Variants in NAMPT observed in about 807,000 individuals in gnomAD.
NAMPT encodes the protein NAmPRTase.
A neutral mutation model predicts 58.7 loss-of-function variants in NAMPT; 7 were observed. The ratio of observed to expected loss-of-function variants is 0.12; its 90% CI spans 0.07 to 0.22. The LOEUF (loss-of-function observed/expected upper bound fraction) is 0.22, where lower values mean the gene tolerates loss of function less well. Among genes scored for constraint, NAMPT ranks in the 10% least tolerant of loss-of-function variants. The probability of loss-of-function intolerance (pLI) is 1.00; values close to 1 mark genes in which losing one functional copy is unlikely to be tolerated. For synonymous variants in NAMPT, 145 were observed against 198.1 expected, an observed-to-expected ratio of 0.73 and a Z score of 2.25; for missense variants, 271 against 567.9, an observed-to-expected ratio of 0.48 and a Z score of 5.31.
At chr7:106,263,730 A>T in intron 6 of NAMPT, 113 bp from the exon 7 acceptor site, 4 of 810,866 alleles carry the variant, frequency 4.9e-6, no homozygotes, top group South Asian at 3.3e-5. Flanking sequence ...ATCACAGAGA[A>T]GGTGAGTGAC....
At position 106,283,259 on chromosome 7, in the gene NAMPT, C is replaced by A. The variant is rs554299893; in HGVS notation, c.57+1569G>T. The stretch of plus-strand genomic sequence containing the variant: ...TAATAGTGCAATTAAGTATGGCTCA[C>A]TAGATTAGAAACCTTTAAGATAATT... On this transcript the variant is annotated intron_variant, in intron 1 of 10. Coordinates refer to ENST00000222553, the MANE Select transcript of NAMPT (RefSeq NM_005746.3). 2.6e-4 allele frequency among the ~76,000 whole-genome samples: 40 copies of A among 152,192 alleles called. No homozygotes were observed. In the South Asian group the frequency reaches 7.7e-3, roughly 29 times the overall value.
chr7:106,281,449 A>C (rs1792762063), intron 1 of NAMPT, among the ~76,000 whole-genome samples: 1 of 152,202 alleles, frequency 6.6e-6, no homozygotes, highest in Non-Finnish European at 1.5e-5. Flanking sequence ...ATCACAAGTC[A>C]ACATTTAAAA....
intron 8 of NAMPT, among the ~76,000 whole-genome samples, chr7:106,259,541 C>T (rs1314088226): frequency 2.0e-5 from 3 of 152,144 alleles, no homozygotes; most frequent in Non-Finnish European, 4.4e-5. Flanking sequence ...TCTCCTGCCT[C>T]AGCCTCCTGA....
At chr7:106,267,099 A>T (rs976523348) in intron 6 of NAMPT, among the ~76,000 whole-genome samples, 3 of 152,252 alleles carry the variant, frequency 2.0e-5, no homozygotes, top group Admixed American at 1.3e-4. Context: ...ATAAGTGCCC[A>T]ATGTTGGCTA....
At chr7:106,260,402 C>T (rs562537113) in intron 8 of NAMPT, among the ~76,000 whole-genome samples, 3 of 152,344 alleles carry the variant, frequency 2.0e-5, no homozygotes, top group African/African-American at 4.8e-5. Context: ...AGAATTGAAA[C>T]GAGGGCCTTG....
intron 8 of NAMPT, among the ~76,000 whole-genome samples, chr7:106,261,004 T>C (rs1792292231): frequency 6.6e-6 from 1 of 152,186 alleles, no homozygotes; most frequent in South Asian, 2.1e-4. Context: ...ATGAAGTGAA[T>C]ACATGTTGGA....
At chr7:106,253,178 C>A (rs756290783) in intron 9 of NAMPT, 27 bp from the exon 10 acceptor site, 5 of 1,607,316 alleles carry the variant, frequency 3.1e-6, no homozygotes, top group Admixed American at 1.7e-5. Context: ...GAAAGTTAGA[C>A]AAGTAGAAGA....
At chr7:106,285,257 A>T (rs1210510954), upstream of NAMPT, 1 of 871,072 alleles carries the variant, frequency 1.1e-6, no homozygotes, top group Non-Finnish European at 1.4e-6. Context: ...TTCCTCCCAG[A>T]CGCCAGCTCT....
Position 106,284,612 on chromosome 7 carries a change from C to G in NAMPT, c.57+216G>C, listed in dbSNP as rs548013975. On this transcript the variant is annotated intron_variant, in intron 1 of 10. Transcript: ENST00000222553. Reference sequence around the variant, plus strand: ...GCCCCCAGGCCCCGCCTCCACCGCCCAGCCCTCCATCCTCCTCAAGCCACC... The same window carrying G: ...GCCCCCAGGCCCCGCCTCCACCGCCGAGCCCTCCATCCTCCTCAAGCCACC... The G allele has an allele frequency of 1.6e-3, 597 of 362,330 alleles. 2 individuals carry two copies. The highest frequency in any genetic ancestry group is 2.2e-3 in the Non-Finnish European group (537 of 245,358). The allele number at this position is 362,330 out of a possible 1,614,324, so 22.4% of individuals were successfully genotyped here.
chr7:106,261,725 C>A lies in NAMPT; in HGVS notation c.970-18G>T, dbSNP rs1792305867. 2 of 1,597,904 alleles carry A rather than the reference C, an allele frequency of 1.3e-6. No individual in the cohort carries two copies. Among genetic ancestry groups the A allele is most frequent in the African/African-American group, 2.7e-5 (2 of 74,450 alleles). On this transcript the variant is annotated intron_variant, in intron 7 of 10. Coordinates refer to ENST00000222553, the MANE Select transcript of NAMPT (RefSeq NM_005746.3). ...TCCAAAACCTATATGGAAAAATACA[C>A]ATGCAACACAAATAACTAAAGCTGA...
intron 6 of NAMPT, among the ~76,000 whole-genome samples, chr7:106,265,567 T>TA (rs35685666): frequency 0.28 from 32,344 of 116,354 alleles, 4,378 homozygotes; most frequent in East Asian, 0.49. Flanking sequence ...CTCAAAAGCT[T>TA]AAAAAAAAAA....
intron 8 of NAMPT, among the ~76,000 whole-genome samples, chr7:106,258,699 T>C (rs1792251659): frequency 6.6e-6 from 1 of 152,224 alleles, no homozygotes; most frequent in African/African-American, 2.4e-5. Flanking sequence ...AAGTGTGCAA[T>C]AGCATTATGT....
At chr7:106,265,772 A>G (rs1439886326) in intron 6 of NAMPT, among the ~76,000 whole-genome samples, 4 of 152,174 alleles carry the variant, frequency 2.6e-5, no homozygotes, top group Non-Finnish European at 5.9e-5. Flanking sequence ...GTGATATATG[A>G]AGATCATAAA....
intron 3 of NAMPT, among the ~76,000 whole-genome samples, chr7:106,274,419 G>A (rs1444501299): frequency 6.6e-6 from 1 of 152,100 alleles, no homozygotes; most frequent in Non-Finnish European, 1.5e-5. Flanking sequence ...GATGCGGGGA[G>A]AGGGATAAAA....
intron 1 of NAMPT, among the ~76,000 whole-genome samples, chr7:106,279,335 C>T (rs1220062086): frequency 1.3e-5 from 2 of 152,154 alleles, no homozygotes; most frequent in Middle Eastern, 6.3e-3. Flanking sequence ...GGCAAACTCG[C>T]AGGTAATTAG....
At chr7:106,258,288 G>C (rs1347874057) in intron 8 of NAMPT, among the ~76,000 whole-genome samples, 1 of 151,668 alleles carries the variant, frequency 6.6e-6, no homozygotes, top group African/African-American at 2.4e-5. Context: ...GTTTGATTTG[G>C]AAGTGAGAAG....
intron 6 of NAMPT, among the ~76,000 whole-genome samples, 198 bp from the exon 7 acceptor site, chr7:106,263,815 C>T (rs552708107): frequency 1.2e-4 from 18 of 152,112 alleles, no homozygotes; most frequent in East Asian, 3.9e-4. Flanking sequence ...TAGTTTTTAA[C>T]GCTTTAAGTA....
chr7:106,275,303 T>TA (rs1284690290), intron 2 of NAMPT: 10 of 252,108 alleles, frequency 4.0e-5, no homozygotes, highest in Non-Finnish European at 6.0e-5. Flanking sequence ...GCACAGCTTT[T>TA]AAAAATGATA....
chr7:106,268,344 G>A (rs1380140067), intron 6 of NAMPT, 120 bp downstream of exon 6: 5 of 843,976 alleles, frequency 5.9e-6, no homozygotes, highest in South Asian at 5.5e-5. Context: ...AATTTGTGTT[G>A]CTCAAGTTCA....
Sources: gnomAD v4.1 joint callset for allele counts (sites outside exome capture counted in the v4.1 genomes callset) on GRCh38, gnomAD v4.1.1 for gene constraint, MANE v1.5 for transcripts, NCBI Gene and HGNC (gene_info 2026-07-23, HGNC 2026-07-21) for gene names.